Variants in GPR158 observed in about 807,000 individuals in gnomAD.
The protein encoded by GPR158 is G protein-coupled receptor 158.
In GPR158, 30 loss-of-function variants were observed where a neutral mutation model predicts 78.2. The observed-to-expected ratio is 0.38, with a 90% CI of 0.29 to 0.52. The LOEUF is 0.52. Ranked by LOEUF, GPR158 falls within the 20% of genes least tolerant of loss-of-function variation. The pLI, the probability that GPR158 is intolerant of heterozygous loss-of-function variation, is 0.83. For synonymous variants in GPR158, 581 were observed against 591.1 expected, an observed-to-expected ratio of 0.98 and a Z score of 0.25; for missense variants, 1,463 against 1,523.5, an observed-to-expected ratio of 0.96 and a Z score of 0.66.
chr10:25,449,619 G>A (rs1451758679), intron 4 of GPR158, among the ~76,000 whole-genome samples: 1 of 152,110 alleles, frequency 6.6e-6, no homozygotes, highest in Non-Finnish European at 1.5e-5. Context: ...GAAGATGTTG[G>A]TCAAAGGAAA....
chr10:25,507,036 G>A (rs1270854765), intron 5 of GPR158, among the ~76,000 whole-genome samples: 1 of 152,140 alleles, frequency 6.6e-6, no homozygotes, highest in Non-Finnish European at 1.5e-5. Flanking sequence ...TTTGCTTCGG[G>A]TTCATGACAT....
chr10:25,433,663 A>G (rs1199544120), intron 4 of GPR158, among the ~76,000 whole-genome samples: 9 of 145,354 alleles, frequency 6.2e-5, no homozygotes, highest in African/African-American at 2.3e-4. Context: ...GTTTATCTGA[A>G]GGGCATTTTC....
chr10:25,213,117 AT>A (rs1853157955), intron 1 of GPR158, among the ~76,000 whole-genome samples: 1 of 152,168 alleles, frequency 6.6e-6, no homozygotes, highest in Non-Finnish European at 1.5e-5. Context: ...AATGACAAAT[AT>A]CTTCACTTCT....
intron 1 of GPR158, among the ~76,000 whole-genome samples, chr10:25,209,465 T>C (rs1406357166): frequency 6.6e-6 from 1 of 151,576 alleles, no homozygotes; most frequent in Non-Finnish European, 1.5e-5. Context: ...TGTTTTTTTT[T>C]TTCTTCCCAC....
chr10:25,334,496 A>G (rs1246787354), intron 2 of GPR158, among the ~76,000 whole-genome samples: 1 of 152,044 alleles, frequency 6.6e-6, no homozygotes, highest in Non-Finnish European at 1.5e-5. Context: ...GAGTCCAAGT[A>G]AGTCCAGAAT....
At chr10:25,420,673 T>C (rs971600787) in intron 4 of GPR158, among the ~76,000 whole-genome samples, 2 of 152,320 alleles carry the variant, frequency 1.3e-5, no homozygotes, top group East Asian at 1.9e-4. Context: ...CTTCATTCTT[T>C]TTTGCATATG....
At chr10:25,521,265 G>A (rs1442651734) in intron 5 of GPR158, among the ~76,000 whole-genome samples, 1 of 152,204 alleles carries the variant, frequency 6.6e-6, no homozygotes, top group Non-Finnish European at 1.5e-5. Context: ...CCCACTGTCT[G>A]GCACTCCCTA....
chr10:25,360,332 A>T (rs191467126), intron 2 of GPR158, among the ~76,000 whole-genome samples: 1,742 of 152,228 alleles, frequency 0.011, 8 homozygotes, highest in Non-Finnish European at 0.016. Flanking sequence ...GCCCATGCCT[A>T]TGTCCTGAAT....
intron 2 of GPR158, among the ~76,000 whole-genome samples, chr10:25,329,122 T>C (rs1855081187): frequency 6.6e-6 from 1 of 152,016 alleles, no homozygotes; most frequent in Admixed American, 6.6e-5. Context: ...TTTTGCTCTG[T>C]TGTAGATAAT....
intron 5 of GPR158, among the ~76,000 whole-genome samples, chr10:25,524,071 C>A (rs1483928151): frequency 6.6e-6 from 1 of 151,814 alleles, no homozygotes; most frequent in South Asian, 2.1e-4. Flanking sequence ...GAAACAATTC[C>A]ATTAGAAAAA....
At chr10:25,293,663 C>A (rs1214491766) in intron 2 of GPR158, among the ~76,000 whole-genome samples, 1 of 151,930 alleles carries the variant, frequency 6.6e-6, no homozygotes, top group Non-Finnish European at 1.5e-5. Flanking sequence ...TTCTCCATAG[C>A]AAATTATTTC....
intron 2 of GPR158, among the ~76,000 whole-genome samples, chr10:25,363,813 A>C (rs1855677392): frequency 6.6e-6 from 1 of 151,900 alleles, no homozygotes; most frequent in Non-Finnish European, 1.5e-5. Context: ...AAGCATGCTC[A>C]GGTTACATGA....
intron 7 of GPR158, among the ~76,000 whole-genome samples, chr10:25,576,214 T>G (rs755508065): frequency 6.6e-6 from 1 of 152,164 alleles, no homozygotes; most frequent in Non-Finnish European, 1.5e-5. Context: ...TAACCCCTTC[T>G]GAGTCTCCAG....
chr10:25,472,095 G>A (rs1835514348), intron 5 of GPR158, among the ~76,000 whole-genome samples: 2 of 152,052 alleles, frequency 1.3e-5, no homozygotes, highest in Admixed American at 6.6e-5. Flanking sequence ...TATGGTTTTA[G>A]GTCTAACATT....
intron 2 of GPR158, among the ~76,000 whole-genome samples, chr10:25,262,804 G>A (rs112093889): frequency 0.019 from 2,916 of 152,262 alleles, 78 homozygotes; most frequent in South Asian, 0.058. Flanking sequence ...CAAAAGTACA[G>A]TGATATGTAT....
chr10:25,240,418 A>C (rs1220853432), intron 2 of GPR158, among the ~76,000 whole-genome samples: 1 of 152,212 alleles, frequency 6.6e-6, no homozygotes, highest in Non-Finnish European at 1.5e-5. Context: ...CTGAGGCAGG[A>C]GAATCGCTTG....
intron 2 of GPR158, among the ~76,000 whole-genome samples, chr10:25,222,210 C>G (rs1372508531): frequency 6.6e-6 from 1 of 152,024 alleles, no homozygotes. Context: ...TACCCCTGTA[C>G]TCCCACACTC....
chr10:25,598,098 G>A lies in GPR158; in HGVS notation c.2472G>A (p.Val824=). Residue 824 remains valine (V), a synonymous_variant, in exon 11 of 11, where the codon GTG becomes GTA. Transcript: ENST00000376351. ...AATCCCACAGCACTTATGACCACGT[G>A]AGAGACCAAACGGAAGAGTCCAGTA... The part of the protein sequence containing the change: ...LKKSHSTYDH[V]RDQTEESSSL... 6.2e-7 allele frequency: 1 copy of A among 1,614,108 alleles called. No individual in the cohort carries two copies. Among genetic ancestry groups the A allele is most frequent in the Non-Finnish European group, 8.5e-7 (1 of 1,180,020 alleles).
chr10:25,326,140 C>T (rs1855028632), intron 2 of GPR158, among the ~76,000 whole-genome samples: 1 of 152,026 alleles, frequency 6.6e-6, no homozygotes, highest in Non-Finnish European at 1.5e-5. Context: ...TTGTTCCTGC[C>T]CACATGTCCA....
Sources: gnomAD v4.1 joint callset for allele counts (sites outside exome capture counted in the v4.1 genomes callset) on GRCh38, gnomAD v4.1.1 for gene constraint, MANE v1.5 for transcripts, NCBI Gene and HGNC (gene_info 2026-07-23, HGNC 2026-07-21) for gene names.